The following FIGN variants were observed in gnomAD, a reference collection of about 807,000 sequenced individuals.
FIGN encodes the protein fidgetin.
Under a neutral mutation model 51.3 loss-of-function variants are expected in FIGN, and 11 were observed. The ratio of observed to expected loss-of-function variants is 0.21; its 90% confidence interval spans 0.13 to 0.35. FIGN has a LOEUF of 0.35. FIGN is among the 10% of genes least tolerant of loss of function. The pLI is 1.00. For synonymous variants in FIGN, 407 were observed against 363.2 expected, an observed-to-expected ratio of 1.12 and a Z score of -1.37; for missense variants, 857 against 943.6, an observed-to-expected ratio of 0.91 and a Z score of 1.20.
chr2:163,720,078 A>G (rs1454583037), intron 2 of FIGN, among the ~76,000 whole-genome samples: 1 of 152,170 alleles, frequency 6.6e-6, no homozygotes, highest in East Asian at 1.9e-4. Flanking sequence ...AGCTGTAAAT[A>G]TCTGGACCGG....
intron 2 of FIGN, among the ~76,000 whole-genome samples, chr2:163,673,478 C>A (rs920915735): frequency 6.6e-6 from 1 of 152,030 alleles, no homozygotes; most frequent in Non-Finnish European, 1.5e-5. Context: ...GTTCAGTGAA[C>A]TTTCCAAGAT....
intron 2 of FIGN, among the ~76,000 whole-genome samples, chr2:163,637,585 A>G (rs1683245967): frequency 6.6e-6 from 1 of 152,170 alleles, no homozygotes; most frequent in East Asian, 1.9e-4. Context: ...GCCAAAATAG[A>G]TCTGGGAATG....
rs1258378034 is a variant in FIGN, at chr2:163,697,100, C to CTTTTTTTTTTT, written c.25+37802_25+37803insAAAAAAAAAAA. 7.7e-4 allele frequency among the ~76,000 whole-genome samples: 83 copies of CTTTTTTTTTTT among 108,406 alleles called. 3 individuals are homozygous for CTTTTTTTTTTT. Among genetic ancestry groups the CTTTTTTTTTTT allele is most frequent in the African/African-American group, 1.3e-3 (35 of 26,866 alleles). The allele number at this position is 108,406 out of a possible 152,430, so 71.1% of individuals were successfully genotyped here. A position where few individuals can be genotyped will look rare whatever the true frequency, so the allele number is the denominator to read the frequency against. ...GTCATAATTTTTTTTCTTTTCTTTT[C>CTTTTTTTTTTT]TTTCTTTTTTTTTTTTTTTTGAGAC... On this transcript the variant is annotated intron_variant, in intron 2 of 2. Transcript: ENST00000333129.
At chr2:163,640,822 C>A (rs1683294957) in intron 2 of FIGN, among the ~76,000 whole-genome samples, 3 of 152,136 alleles carry the variant, frequency 2.0e-5, no homozygotes, top group Admixed American at 2.0e-4. Flanking sequence ...GGTACTTGAT[C>A]AAATATTTAG....
chr2:163,703,811 A>C (rs1684447692), intron 2 of FIGN, among the ~76,000 whole-genome samples: 1 of 152,082 alleles, frequency 6.6e-6, no homozygotes, highest in South Asian at 2.1e-4. Flanking sequence ...GTAACCCCAA[A>C]ATGGAGATTT....
chr2:163,681,588 G>A (rs2105339361), intron 2 of FIGN, among the ~76,000 whole-genome samples: 1 of 152,172 alleles, frequency 6.6e-6, no homozygotes, highest in African/African-American at 2.4e-5. Flanking sequence ...ATACATACAA[G>A]GCAAAGGAAC....
chr2:163,605,610 CACATACAA>C lies in FIGN; in HGVS notation c.*3934_*3941del, dbSNP rs1691092119. On this transcript the variant is annotated 3_prime_UTR_variant, in exon 3 of 3. Coordinates refer to ENST00000333129, the MANE Select transcript of FIGN (RefSeq NM_018086.4). ...TGATGAAAGAACACACACACATACACACATACAAACACACACACTAATTTTATATTTAT... is the reference window on the plus strand; with the variant it reads ...TGATGAAAGAACACACACACATACACACACACACACTAATTTTATATTTAT... 1 of 151,942 alleles carries C rather than the reference CACATACAA, an allele frequency of 6.6e-6. No individual in the cohort carries two copies. The allele number at this position is 151,942 out of a possible 1,614,324, so 9.4% of individuals were successfully genotyped here.
chr2:163,707,176 G>A lies in FIGN; in HGVS notation c.25+27727C>T, dbSNP rs183268767. Among the ~76,000 whole-genome samples, 4 of 151,878 alleles carry A rather than the reference G, an allele frequency of 2.6e-5. No individual in the cohort carries two copies. In the East Asian group the frequency reaches 5.8e-4, roughly 22 times the overall value. On this transcript the variant is annotated intron_variant, in intron 2 of 2. Transcript: ENST00000333129. ...CCTCTGGCCAACATGGTGAAACCCCGTCTCTACCAAAAATACAAAAAAATT... is the reference window on the plus strand; with the variant it reads ...CCTCTGGCCAACATGGTGAAACCCCATCTCTACCAAAAATACAAAAAAATT...
chr2:163,722,683 T>C (rs1015901506), intron 2 of FIGN, among the ~76,000 whole-genome samples: 1 of 152,072 alleles, frequency 6.6e-6, no homozygotes, highest in Non-Finnish European at 1.5e-5. Flanking sequence ...CTCTCCTATC[T>C]AGAGATACAA....
At chr2:163,708,061 A>G (rs971102687) in intron 2 of FIGN, among the ~76,000 whole-genome samples, 2 of 152,168 alleles carry the variant, frequency 1.3e-5, no homozygotes, top group African/African-American at 4.8e-5. Flanking sequence ...CATCATTGGG[A>G]ATTCTCAAAA....
In FIGN at chr2:163,610,418, C is replaced by G; in HGVS notation, c.1414G>C (p.Val472Leu). 1 of 1,614,112 alleles carries G rather than the reference C, an allele frequency of 6.2e-7. No homozygotes were observed. The highest frequency in any genetic ancestry group is 8.5e-7 in the Non-Finnish European group (1 of 1,180,028). Residue 472 changes from valine (V) to leucine (L), a missense_variant, in exon 3 of 3, where the codon GTA becomes CTA. Physicochemically the swap from Val to Leu is conservative, Grantham distance 32. Coordinates refer to ENST00000333129, the MANE Select transcript of FIGN (RefSeq NM_018086.4). ...CCTTGGGTGATAATCTCATTGGTTACCAGGTCGATGAGGTGCGTGTCAGTA... is the reference window on the plus strand; with the variant it reads ...CCTTGGGTGATAATCTCATTGGTTAGCAGGTCGATGAGGTGCGTGTCAGTA... ...KNTDTHLIDL[V>L]TNEIITQGPP...
intron 2 of FIGN, among the ~76,000 whole-genome samples, chr2:163,613,444 C>A (rs759841253): frequency 6.6e-6 from 1 of 152,116 alleles, no homozygotes; most frequent in African/African-American, 2.4e-5. Context: ...TTCCTCCAAG[C>A]TCTGTGGCTC....
At chr2:163,722,539 C>T (rs1684774208) in intron 2 of FIGN, among the ~76,000 whole-genome samples, 1 of 152,042 alleles carries the variant, frequency 6.6e-6, no homozygotes, top group African/African-American at 2.4e-5. Flanking sequence ...TCTGCAAACA[C>T]ATGAGAAAAA....
chr2:163,627,693 C>G (rs1014847), intron 2 of FIGN, among the ~76,000 whole-genome samples: 6,380 of 152,174 alleles, frequency 0.042, 458 homozygotes, highest in African/African-American at 0.14. Flanking sequence ...TTACCCGTTA[C>G]CAGTTTCATC....
intron 2 of FIGN, among the ~76,000 whole-genome samples, chr2:163,709,958 T>C (rs1218530152): frequency 6.6e-6 from 1 of 152,046 alleles, no homozygotes; most frequent in African/African-American, 2.4e-5. Flanking sequence ...ATAAGGAAAA[T>C]AATAATACAA....
At position 163,711,038 on chromosome 2, in the gene FIGN, A is replaced by G. The variant is rs561991956; in HGVS notation, c.25+23865T>C. On this transcript the variant is annotated intron_variant, in intron 2 of 2. Transcript: ENST00000333129. ...GCACTCACACACACATAGACACACA[A>G]CATAAGAAAAAAAGCATTCATTTTT... Among the ~76,000 whole-genome samples the G allele has an allele frequency of 1.2e-4, 19 of 152,198 alleles. 1 individual carries two copies. The South Asian group carries it at 3.9e-3, about 32-fold the overall frequency.
At chr2:163,625,124 G>C (rs1398049079) in intron 2 of FIGN, among the ~76,000 whole-genome samples, 1 of 151,900 alleles carries the variant, frequency 6.6e-6, no homozygotes, top group Admixed American at 6.6e-5. Flanking sequence ...TTAACAAATG[G>C]TAACCAAGAA....
At chr2:163,668,844 G>A (rs368782731) in intron 2 of FIGN, among the ~76,000 whole-genome samples, 3 of 151,960 alleles carry the variant, frequency 2.0e-5, no homozygotes, top group South Asian at 2.1e-4. Context: ...GGGAGGCTGA[G>A]GTGGGAGAAT....
At chr2:163,687,216 C>A (rs1490201869) in intron 2 of FIGN, among the ~76,000 whole-genome samples, 3 of 152,160 alleles carry the variant, frequency 2.0e-5, no homozygotes, top group Non-Finnish European at 4.4e-5. Flanking sequence ...CCTCCAAGAC[C>A]ACCCTAGATT....
Sources: gnomAD v4.1 joint callset for allele counts (sites outside exome capture counted in the v4.1 genomes callset) on GRCh38, gnomAD v4.1.1 for gene constraint, MANE v1.5 for transcripts, NCBI Gene and HGNC (gene_info 2026-07-23, HGNC 2026-07-21) for gene names.